The following LRRIQ3 variants were observed in gnomAD, a reference collection of about 807,000 sequenced individuals.
The protein encoded by LRRIQ3 is leucine-rich repeat and IQ domain-containing protein 3.
Under a neutral mutation model 59.3 loss-of-function variants are expected in LRRIQ3, and 75 were observed. The ratio of observed to expected loss-of-function variants is 1.26; its 90% confidence interval spans 1.05 to 1.53. The LOEUF is 1.53. Among genes scored for constraint, LRRIQ3 ranks in the 40% most tolerant of loss-of-function variants. LRRIQ3 has a pLI of 0.00. For missense variants in LRRIQ3, 831 were observed against 710.0 expected (o/e 1.17, Z -1.94); for synonymous variants, 250 against 231.3 (o/e 1.08, Z -0.73).
chr1:74,038,020 A>C (rs1382257067), intron 7 of LRRIQ3, among the ~76,000 whole-genome samples: 1 of 152,210 alleles, frequency 6.6e-6, no homozygotes, highest in African/African-American at 2.4e-5. Flanking sequence ...GGGGAGAGGC[A>C]CCAGCCAACA....
intron 3 of LRRIQ3, among the ~76,000 whole-genome samples, chr1:74,179,131 ACT>A: frequency 6.6e-6 from 1 of 152,184 alleles, no homozygotes; most frequent in East Asian, 1.9e-4. Context: ...TGCCCATATC[ACT>A]CTGATCTTTA....
chr1:74,156,056 C>G (rs931654381), intron 3 of LRRIQ3, among the ~76,000 whole-genome samples, 190 bp from the exon 4 acceptor site: 2 of 152,042 alleles, frequency 1.3e-5, no homozygotes, highest in Non-Finnish European at 2.9e-5. Flanking sequence ...AATGCAATCC[C>G]CAATGTTAGA....
intron 4 of LRRIQ3, among the ~76,000 whole-genome samples, chr1:74,152,648 C>A (rs929795622): frequency 6.6e-6 from 1 of 152,108 alleles, no homozygotes; most frequent in South Asian, 2.1e-4. Context: ...AAAGAATAAT[C>A]CATATTCTGT....
chr1:74,060,375 C>T (rs12755342), intron 6 of LRRIQ3, among the ~76,000 whole-genome samples: 2 of 150,184 alleles, frequency 1.3e-5, no homozygotes, highest in Non-Finnish European at 3.0e-5. Context: ...CCTCCTCATC[C>T]TCTTCCTCCT....
chr1:74,196,805 G>A (rs1651181309), intron 1 of LRRIQ3, among the ~76,000 whole-genome samples: 1 of 152,112 alleles, frequency 6.6e-6, no homozygotes, highest in African/African-American at 2.4e-5. Context: ...GCCTTCACCA[G>A]CTCTCACCTG....
chr1:74,149,567 A>T (rs1439276403), intron 4 of LRRIQ3, among the ~76,000 whole-genome samples: 1 of 152,164 alleles, frequency 6.6e-6, no homozygotes, highest in East Asian at 1.9e-4. Context: ...CTGGAGTACT[A>T]CCAATTTCTC....
At chr1:74,193,152 T>C (rs1279390180) in intron 1 of LRRIQ3, among the ~76,000 whole-genome samples, 1 of 152,186 alleles carries the variant, frequency 6.6e-6, no homozygotes, top group Non-Finnish European at 1.5e-5. Context: ...GTCACTTTCA[T>C]TCATTTTAGA....
At chr1:74,133,256 T>G (rs541696713) in intron 4 of LRRIQ3, among the ~76,000 whole-genome samples, 98 of 152,284 alleles carry the variant, frequency 6.4e-4, no homozygotes, top group African/African-American at 2.3e-3. Context: ...ACTTTTATAC[T>G]GTTGGTGGAA....
intron 4 of LRRIQ3, among the ~76,000 whole-genome samples, chr1:74,152,976 G>A (rs1237333594): frequency 2.0e-5 from 3 of 152,070 alleles, no homozygotes; most frequent in Non-Finnish European, 4.4e-5. Context: ...CTGTAAAACA[G>A]AAAATACAGA....
chr1:74,099,126 T>C (rs1646492814), intron 5 of LRRIQ3, among the ~76,000 whole-genome samples: 1 of 152,040 alleles, frequency 6.6e-6, no homozygotes. Flanking sequence ...AGCTGGTTTT[T>C]TGAAAAGATC....
intron 4 of LRRIQ3, among the ~76,000 whole-genome samples, chr1:74,141,732 T>C (rs1010253633): frequency 2.0e-5 from 3 of 151,870 alleles, no homozygotes; most frequent in South Asian, 4.1e-4. Context: ...TTATGAGTTA[T>C]ATAAAACTAA....
chr1:74,116,676 G>A (rs551594074), intron 4 of LRRIQ3, among the ~76,000 whole-genome samples: 1 of 152,172 alleles, frequency 6.6e-6, no homozygotes, highest in South Asian at 2.1e-4. Flanking sequence ...CAAAGGAAAT[G>A]TTGATCACAG....
chr1:74,048,081 T>C (rs946475258), intron 6 of LRRIQ3, among the ~76,000 whole-genome samples: 1 of 152,156 alleles, frequency 6.6e-6, no homozygotes, highest in Non-Finnish European at 1.5e-5. Context: ...AGACTCAGAC[T>C]CCAGAATTGT....
intron 5 of LRRIQ3, among the ~76,000 whole-genome samples, chr1:74,097,210 C>G (rs1309119882): frequency 6.6e-6 from 1 of 152,008 alleles, no homozygotes; most frequent in Non-Finnish European, 1.5e-5. Context: ...GTAGAGAAGT[C>G]CTTAAATGAC....
At chr1:74,103,597 C>A (rs2100547918) in intron 5 of LRRIQ3, among the ~76,000 whole-genome samples, 1 of 151,930 alleles carries the variant, frequency 6.6e-6, no homozygotes, top group East Asian at 1.9e-4. Context: ...AATACTTAAA[C>A]ATATTTTTTA....
At chr1:74,059,650 T>C (rs1654644000) in intron 6 of LRRIQ3, among the ~76,000 whole-genome samples, 1 of 152,100 alleles carries the variant, frequency 6.6e-6, no homozygotes, top group African/African-American at 2.4e-5. Context: ...CAAATTTGTT[T>C]TTATTTTTAA....
At position 74,155,867 on chromosome 1, in the gene LRRIQ3, C is replaced by T. The variant is rs1335034500; in HGVS notation, c.574-1G>A. ...TAATTTCCTCTTCATAGGTTGTTCC[C>T]TGTATAAAGAAAATATAATTAATAA... is the stretch of plus-strand genomic sequence containing the variant. On this transcript the variant is annotated splice_acceptor_variant, in intron 3 of 7. Coordinates refer to ENST00000354431, the MANE Select transcript of LRRIQ3 (RefSeq NM_001105659.2). LOFTEE classifies it high-confidence loss of function. 6 of 1,322,788 alleles carry T rather than the reference C, an allele frequency of 4.5e-6. No individual in the cohort carries two copies. Among genetic ancestry groups the T allele is most frequent in the Non-Finnish European group, 6.1e-6 (6 of 985,866 alleles). The allele number at this position is 1,322,788 out of a possible 1,614,324, so 81.9% of individuals were successfully genotyped here.
chr1:74,049,017 G>A (rs1187179630), intron 6 of LRRIQ3, among the ~76,000 whole-genome samples: 2 of 152,134 alleles, frequency 1.3e-5, no homozygotes, highest in Admixed American at 6.6e-5. Context: ...TGGGTGGATA[G>A]GAATGGGTTT....
chr1:74,150,361 T>A (rs948977628), intron 4 of LRRIQ3, among the ~76,000 whole-genome samples: 1 of 152,162 alleles, frequency 6.6e-6, no homozygotes, highest in African/African-American at 2.4e-5. Flanking sequence ...TAGAACTGAA[T>A]TGAATAAGTA....
Sources: allele counts gnomAD v4.1 joint callset (sites outside exome capture counted in the v4.1 genomes callset), GRCh38; gene constraint gnomAD v4.1.1; transcripts MANE v1.5; gene names NCBI Gene and HGNC (gene_info 2026-07-23, HGNC 2026-07-21).